The following PLEKHG1 variants were observed in gnomAD, a reference collection of about 807,000 sequenced individuals.
PLEKHG1 encodes the protein pleckstrin homology and RhoGEF domain containing G1.
In PLEKHG1, 44 loss-of-function variants were observed where a neutral mutation model predicts 100.8. The ratio of observed to expected loss-of-function variants is 0.44; its 90% CI spans 0.34 to 0.56. The LOEUF (loss-of-function observed/expected upper bound fraction) is 0.56, where lower values mean the gene tolerates loss of function less well. PLEKHG1 is among the 20% of genes least tolerant of loss of function. The pLI is 0.01. For missense variants in PLEKHG1, 1,545 were observed against 1,720.9 expected (o/e 0.90, Z 1.81); for synonymous variants, 640 against 662.5 (o/e 0.97, Z 0.52).
chr6:150,814,116 G>T (rs1222132048), intron 10 of PLEKHG1, among the ~76,000 whole-genome samples: 1 of 152,176 alleles, frequency 6.6e-6, no homozygotes, highest in East Asian at 1.9e-4. Flanking sequence ...TTTCGTCAGG[G>T]TGTTATGAGA....
Position 150,707,586 on chromosome 6 carries a change from G to A in PLEKHG1, c.-98-25998G>A, listed in dbSNP as rs191981384. ...GCTTAGCTCTACCCACTGCTGCTGT[G>A]CAGGAGCATTAGACTAGTGTTAACT... On this transcript the variant is annotated intron_variant, in intron 3 of 3. Transcript: ENST00000367326. Among the ~76,000 whole-genome samples the A allele has an allele frequency of 6.8e-4, 104 of 152,272 alleles. 1 individual carries two copies. The highest frequency in any genetic ancestry group is 2.5e-3 in the African/African-American group (102 of 41,550).
intron 5 of PLEKHG1, 25 bp downstream of exon 6, chr6:150,795,927 G>T (rs748226468): frequency 6.7e-7 from 1 of 1,493,158 alleles, no homozygotes; most frequent in Non-Finnish European, 9.3e-7. Flanking sequence ...TGGGCCAAGA[G>T]TACTTTTGTT....
At chr6:150,714,504 A>G (rs1177997522) in intron 3 of PLEKHG1, among the ~76,000 whole-genome samples, 1 of 152,228 alleles carries the variant, frequency 6.6e-6, no homozygotes, top group Non-Finnish European at 1.5e-5. Context: ...TGGAGATGTC[A>G]AATCATAACT....
chr6:150,762,608 T>C (rs1285556909), intron 2 of PLEKHG1, among the ~76,000 whole-genome samples: 1 of 152,162 alleles, frequency 6.6e-6, no homozygotes, highest in Non-Finnish European at 1.5e-5. Context: ...TCAGTACATT[T>C]CTCTGTGGTG....
chr6:150,627,823 A>T (rs1451463002), intron 1 of PLEKHG1, among the ~76,000 whole-genome samples: 3 of 152,210 alleles, frequency 2.0e-5, no homozygotes. Context: ...TGCCTTGAGC[A>T]CTAGTGGAAG....
chr6:150,755,344 G>C (rs546836929), intron 2 of PLEKHG1, among the ~76,000 whole-genome samples: 1 of 152,290 alleles, frequency 6.6e-6, no homozygotes, highest in Non-Finnish European at 1.5e-5. Context: ...CAACGTTGAT[G>C]GTTAGTAATA....
At chr6:150,622,361 A>G (rs1777336001) in intron 1 of PLEKHG1, among the ~76,000 whole-genome samples, 1 of 152,212 alleles carries the variant, frequency 6.6e-6, no homozygotes, top group Non-Finnish European at 1.5e-5. Context: ...TGCAAAAATC[A>G]AAATGACTAG....
At chr6:150,819,388 A>G (rs1487695507) in intron 11 of PLEKHG1, among the ~76,000 whole-genome samples, 1 of 151,920 alleles carries the variant, frequency 6.6e-6, no homozygotes, top group Non-Finnish European at 1.5e-5. Context: ...AACATGTTGA[A>G]ACCCCATCTC....
At chr6:150,721,692 A>G (rs1245227438) in intron 1 of PLEKHG1, among the ~76,000 whole-genome samples, 2 of 152,204 alleles carry the variant, frequency 1.3e-5, no homozygotes, top group Non-Finnish European at 2.9e-5. Context: ...AGTGGCAACC[A>G]AAGTTGCCTA....
chr6:150,794,886 GT>G (rs1026157958), intron 4 of PLEKHG1, among the ~76,000 whole-genome samples: 7 of 151,940 alleles, frequency 4.6e-5, no homozygotes, highest in Non-Finnish European at 1.0e-4. Flanking sequence ...TTAAAAAAAA[GT>G]TTAACCTAAT....
At chr6:150,623,789 C>A (rs528651145) in intron 1 of PLEKHG1, among the ~76,000 whole-genome samples, 1 of 152,204 alleles carries the variant, frequency 6.6e-6, no homozygotes, top group Admixed American at 6.5e-5. Flanking sequence ...GAGGCTGCAG[C>A]GACCTGTTTA....
At chr6:150,615,700 C>T (rs1562384855) in intron 1 of PLEKHG1, among the ~76,000 whole-genome samples, 1 of 151,990 alleles carries the variant, frequency 6.6e-6, no homozygotes, top group East Asian at 1.9e-4. Context: ...GGAAATTCTA[C>T]CGAGGAATAA....
chr6:150,615,490 ACCTG>A (rs1162693657), intron 1 of PLEKHG1, among the ~76,000 whole-genome samples: 2 of 152,156 alleles, frequency 1.3e-5, no homozygotes, highest in African/African-American at 4.8e-5. Context: ...AAAAGCTGGC[ACCTG>A]GTTTATTTCT....
chr6:150,766,417 A>G (rs1433313259), intron 2 of PLEKHG1, among the ~76,000 whole-genome samples: 1 of 152,250 alleles, frequency 6.6e-6, no homozygotes, highest in South Asian at 2.1e-4. Flanking sequence ...TCATTTGGCT[A>G]CAGATGATTA....
intron 3 of PLEKHG1, among the ~76,000 whole-genome samples, chr6:150,667,696 C>G (rs968536562): frequency 2.0e-5 from 3 of 152,162 alleles, no homozygotes; most frequent in Admixed American, 6.5e-5. Context: ...AATAATATTA[C>G]CCGGTTTTCC....
At chr6:150,617,238 T>G (rs574197017) in intron 1 of PLEKHG1, among the ~76,000 whole-genome samples, 1 of 152,336 alleles carries the variant, frequency 6.6e-6, no homozygotes, top group African/African-American at 2.4e-5. Context: ...TTCACTGAGT[T>G]TGAAGAATAA....
intron 2 of PLEKHG1, among the ~76,000 whole-genome samples, chr6:150,763,505 G>C (rs192166892): frequency 6.6e-5 from 10 of 152,256 alleles, no homozygotes; most frequent in Admixed American, 5.9e-4. Flanking sequence ...CCAAAAGTAG[G>C]CCTGTCTCCT....
intron 3 of PLEKHG1, among the ~76,000 whole-genome samples, chr6:150,651,613 C>T (rs2128574364): frequency 6.6e-6 from 1 of 151,762 alleles, no homozygotes; most frequent in South Asian, 2.1e-4. Context: ...AATCCCAGCA[C>T]TTTGGGAGGC....
At chr6:150,721,269 C>A in intron 1 of PLEKHG1, 1 of 661,350 alleles carries the variant, frequency 1.5e-6, no homozygotes, top group Non-Finnish European at 1.9e-6. Context: ...CTGGGAGCAG[C>A]CAGAGAGGTC....
Sources: allele counts gnomAD v4.1 joint callset (sites outside exome capture counted in the v4.1 genomes callset), GRCh38; gene constraint gnomAD v4.1.1; transcripts MANE v1.5; gene names NCBI Gene and HGNC (gene_info 2026-07-23, HGNC 2026-07-21).